ZSWIM3: variants seen among roughly 807,000 people sequenced by gnomAD.
ZSWIM3 encodes zinc finger SWIM domain-containing protein 3.
Under a neutral mutation model 47.5 loss-of-function variants are expected in ZSWIM3, and 27 were observed. The ratio of observed to expected loss-of-function variants is 0.57; its 90% CI spans 0.42 to 0.78. ZSWIM3 has a LOEUF of 0.78. Among genes scored for constraint, ZSWIM3 ranks in the 30% least tolerant of loss-of-function variants. The pLI is 0.00. For synonymous variants in ZSWIM3, 333 were observed against 333.9 expected (o/e 1.00, Z 0.03); for missense variants, 689 against 861.3 (o/e 0.80, Z 2.50).
chr20:45,861,486 G>A (rs571912373), intron 1 of ZSWIM3, among the ~76,000 whole-genome samples: 3 of 152,196 alleles, frequency 2.0e-5, no homozygotes, highest in East Asian at 3.9e-4. Flanking sequence ...AAAGCCATGA[G>A]GAGACCTGCT....
chr20:45,857,742 A>AC lies in ZSWIM3; in HGVS notation c.-81dup. ...ATTCTGGGCCCACGCCTGCCTATAA[A>AC]CCCTCATAGTGTGACCTTTGACCCC... On this transcript the variant is annotated 5_prime_UTR_variant, in exon 1 of 2. Transcript: ENST00000255152. The AC allele has an allele frequency of 1.3e-6, 2 of 1,511,462 alleles. No homozygotes were observed. The highest frequency in any genetic ancestry group is 4.6e-5 in the East Asian group (2 of 43,872). The allele number at this position is 1,511,462 out of a possible 1,614,324, so 93.6% of individuals were successfully genotyped here.
At chr20:45,859,920 A>G (rs945734227) in intron 1 of ZSWIM3, among the ~76,000 whole-genome samples, 2 of 152,082 alleles carry the variant, frequency 1.3e-5, no homozygotes, top group African/African-American at 2.4e-5. Flanking sequence ...GTGAGTTATC[A>G]AGTACTAACC....
rs748966999 is a variant in ZSWIM3 at position 45,878,081 on chromosome 20, A to G, written c.1523A>G (p.Lys508Arg). The G allele has an allele frequency of 2.5e-6, 4 of 1,614,214 alleles. No individual in the cohort carries two copies. Among genetic ancestry groups the G allele is most frequent in the South Asian group, 1.1e-5 (1 of 91,090 alleles). ...LHQSGSELAY[K>R]LCHNEWEVVQ... ...CAGAGTGGCTCTGAACTAGCCTACAAGCTGTGCCACAATGAGTGGGAGGTG... is the reference window on the plus strand; with the variant it reads ...CAGAGTGGCTCTGAACTAGCCTACAGGCTGTGCCACAATGAGTGGGAGGTG... Residue 508 changes from lysine to arginine, a missense_variant, in exon 2 of 2, where the codon AAG (lysine) becomes AGG (arginine). By Grantham distance (26) the Lys-to-Arg change is conservative. Coordinates refer to ENST00000255152, the MANE Select transcript of ZSWIM3 (RefSeq NM_080752.4).
chr20:45,867,648 C>T (rs935834611), intron 1 of ZSWIM3, among the ~76,000 whole-genome samples: 1 of 152,200 alleles, frequency 6.6e-6, no homozygotes, highest in African/African-American at 2.4e-5. Context: ...CTGTGGCCTC[C>T]ACTTTCATTT....
At chr20:45,868,609 C>T (rs1260859272) in intron 1 of ZSWIM3, among the ~76,000 whole-genome samples, 1 of 151,820 alleles carries the variant, frequency 6.6e-6, no homozygotes, top group African/African-American at 2.4e-5. Context: ...TCTTGAACTC[C>T]TGACCTCAGG....
chr20:45,858,033 T>C, intron 1 of ZSWIM3, 53 bp downstream of exon 1: 1 of 1,568,510 alleles, frequency 6.4e-7, no homozygotes, highest in Non-Finnish European at 8.7e-7. Flanking sequence ...AGGCTGGACC[T>C]CCGGAGGGCT....
At chr20:45,871,130 T>G (rs1028302490) in intron 1 of ZSWIM3, among the ~76,000 whole-genome samples, 7 of 152,232 alleles carry the variant, frequency 4.6e-5, no homozygotes, top group Non-Finnish European at 7.3e-5. Context: ...AGACATCTTT[T>G]GCAAGAATTC....
Position 45,877,874 on chromosome 20 carries a change from C to G in ZSWIM3, c.1316C>G (p.Pro439Arg). 6.2e-7 allele frequency: 1 copy of G among 1,614,156 alleles called. No homozygotes were observed. Among genetic ancestry groups the G allele is most frequent in the African/African-American group, 1.3e-5 (1 of 75,050 alleles). The change falls in exon 2 of 2, where the codon CCC becomes CGC. Residue 439 changes from proline to arginine, a missense_variant. Coordinates refer to ENST00000255152, the MANE Select transcript of ZSWIM3 (RefSeq NM_080752.4). ...KGLKNLPTPP[P>R]KLKRARPASM... ...TTGAAGAACTTGCCCACACCTCCTC[C>G]CAAATTAAAGAGAGCTCGGCCGGCA...
At chr20:45,871,089 T>C (rs1985964781) in intron 1 of ZSWIM3, among the ~76,000 whole-genome samples, 1 of 152,188 alleles carries the variant, frequency 6.6e-6, no homozygotes, top group African/African-American at 2.4e-5. Flanking sequence ...TCCCTTAATC[T>C]TCTATTGAGA....
At chr20:45,860,805 C>T (rs761662055) in intron 1 of ZSWIM3, among the ~76,000 whole-genome samples, 2 of 152,162 alleles carry the variant, frequency 1.3e-5, no homozygotes, top group African/African-American at 2.4e-5. Context: ...CTATCTGCAA[C>T]CTTAATTCTC....
chr20:45,878,411 T>C lies in ZSWIM3; in HGVS notation c.1853T>C (p.Met618Thr). 6 of 1,614,176 alleles carry C rather than the reference T, an allele frequency of 3.7e-6. No homozygotes were observed. The highest frequency in any genetic ancestry group is 5.1e-6 in the Non-Finnish European group (6 of 1,180,026). ...GQPEKQGRNDMIQDLSRELAN... is the reference protein window; with the variant it reads ...GQPEKQGRNDTIQDLSRELAN... The stretch of plus-strand genomic sequence containing the variant: ...CCTGAGAAGCAAGGACGGAACGACA[T>C]GATTCAGGACCTAAGCAGGGAGTTA... Residue 618 changes from methionine to threonine, a missense_variant, in exon 2 of 2, where the codon ATG (methionine) becomes ACG (threonine). Met to Thr is a moderately conservative substitution (Grantham distance 81, BLOSUM62 -1). Coordinates refer to ENST00000255152, the MANE Select transcript of ZSWIM3 (RefSeq NM_080752.4).
At chr20:45,859,792 C>CAAAAAA (rs765560893) in intron 1 of ZSWIM3, among the ~76,000 whole-genome samples, 9 of 52,086 alleles carry the variant, frequency 1.7e-4, no homozygotes, top group Non-Finnish European at 2.9e-4. Context: ...GAGAGGAATA[C>CAAAAAA]AAAAAAAAAA....
chr20:45,872,952 C>A, intron 1 of ZSWIM3: 1 of 1,148,506 alleles, frequency 8.7e-7, no homozygotes, highest in Non-Finnish European at 1.1e-6. Context: ...TGGAAAAGTG[C>A]AGGTGGAGTT....
chr20:45,875,664 G>T (rs58173141), intron 1 of ZSWIM3, among the ~76,000 whole-genome samples: 3,809 of 151,214 alleles, frequency 0.025, 138 homozygotes, highest in East Asian at 0.12. Flanking sequence ...ACCATGCCTG[G>T]CTAATTTTTT....
chr20:45,872,095 C>A (rs1346681336), intron 1 of ZSWIM3, among the ~76,000 whole-genome samples: 1 of 152,188 alleles, frequency 6.6e-6, no homozygotes, highest in Non-Finnish European at 1.5e-5. Context: ...AGATTCTCAT[C>A]CTTGAGAACC....
Position 45,877,287 on chromosome 20 carries a change from A to G in ZSWIM3, c.729A>G (p.Glu243=). The change falls in exon 2 of 2, where the codon GAA becomes GAG. Residue 243 remains glutamate, a synonymous_variant. Transcript: ENST00000255152. ...ILYAFLVENK[E]RESRVVHFAV... is the part of the protein sequence containing the mutation. ...ATGCTTTCTTGGTGGAGAACAAGGAACGAGAAAGTCGAGTGGTGCACTTTG... is the reference window on the plus strand; with the variant it reads ...ATGCTTTCTTGGTGGAGAACAAGGAGCGAGAAAGTCGAGTGGTGCACTTTG... The G allele has an allele frequency of 1.2e-6, 2 of 1,614,154 alleles. No individual in the cohort carries two copies. Among genetic ancestry groups the G allele is most frequent in the East Asian group, 2.2e-5 (1 of 44,880 alleles).
At chr20:45,859,044 C>T (rs1164458472) in intron 1 of ZSWIM3, among the ~76,000 whole-genome samples, 1 of 151,736 alleles carries the variant, frequency 6.6e-6, no homozygotes, top group African/African-American at 2.4e-5. Context: ...TAGATGCCAT[C>T]TAATCAGCTC....
chr20:45,872,805 C>T, intron 1 of ZSWIM3: 1 of 1,289,132 alleles, frequency 7.8e-7, no homozygotes, highest in South Asian at 1.2e-5. Context: ...TGGCACCACC[C>T]CCGCACTGTG....
At chr20:45,862,753 A>G (rs895434379) in intron 1 of ZSWIM3, among the ~76,000 whole-genome samples, 1 of 152,180 alleles carries the variant, frequency 6.6e-6, no homozygotes, top group Admixed American at 6.5e-5. Flanking sequence ...CAGCCTTCCA[A>G]AGGGCTGCGA....
Sources: gnomAD v4.1 joint callset for allele counts (sites outside exome capture counted in the v4.1 genomes callset) on GRCh38, gnomAD v4.1.1 for gene constraint, MANE v1.5 for transcripts, NCBI Gene and HGNC (gene_info 2026-07-23, HGNC 2026-07-21) for gene names.